Variants in JAKMIP3 observed in about 807,000 individuals in gnomAD.
JAKMIP3 encodes Janus kinase and microtubule interacting protein 3.
Under a neutral mutation model 118.5 loss-of-function variants are expected in JAKMIP3, and 58 were observed. The ratio of observed to expected loss-of-function variants is 0.49; its 90% CI spans 0.40 to 0.61. JAKMIP3 has a LOEUF of 0.61. JAKMIP3 is among the 20% of genes least tolerant of loss of function. JAKMIP3 has a pLI of 0.00. For missense variants in JAKMIP3, 950 were observed against 1,109.0 expected, an observed-to-expected ratio of 0.86 and a Z score of 2.04; for synonymous variants, 486 against 451.2, an observed-to-expected ratio of 1.08 and a Z score of -0.98.
intron 21 of JAKMIP3, among the ~76,000 whole-genome samples, chr10:132,166,057 C>T (rs767898469): frequency 6.6e-6 from 1 of 152,218 alleles, no homozygotes; most frequent in Non-Finnish European, 1.5e-5. Flanking sequence ...GGCGTGGTGG[C>T]TCATGCCTGT....
rs375069186 is a variant in JAKMIP3 at position 132,138,144 on chromosome 10, G to A, written c.1310G>A (p.Arg437Gln). The A allele has an allele frequency of 2.0e-5, 32 of 1,611,988 alleles. No individual in the cohort carries two copies. Among genetic ancestry groups the A allele is most frequent in the Non-Finnish European group, 2.3e-5 (27 of 1,179,162 alleles). Residue 437 changes from arginine (R) to glutamine (Q), a missense_variant, in exon 9 of 24, where the codon CGG (arginine) becomes CAG (glutamine). By Grantham distance (43) the Arg-to-Gln change is conservative (BLOSUM62 1). Transcript: ENST00000684848. ...VLERDKLLRF[R>Q]KQRKKMAKLP... ...GAGCGGGACAAGCTGTTAAGATTCC[G>A]GAAGCAAAGAAAGAAAATGGCAAAA...
intron 12 of JAKMIP3, 118 bp downstream of exon 12, chr10:132,145,308 G>A (rs1040082650): frequency 1.0e-6 from 1 of 973,688 alleles, no homozygotes; most frequent in Non-Finnish European, 1.5e-6. Context: ...TGACCTCCTG[G>A]GCTCAAGCCA....
chr10:132,057,431 C>T (rs1007342469), intron 1 of JAKMIP3, among the ~76,000 whole-genome samples: 5 of 152,214 alleles, frequency 3.3e-5, no homozygotes, highest in African/African-American at 9.7e-5. Flanking sequence ...AGCACGCCGC[C>T]GACTGCCTTG....
rs1393005391 is a variant in JAKMIP3 at position 132,070,057 on chromosome 10, C to T, written c.-138+3996C>T. ...AGAGGTGCGGCTGCTGATGTACCAC[C>T]CTGTGGGGGCTTCGGGCACCAACTC... On this transcript the variant is annotated intron_variant, in intron 1 of 23. Coordinates refer to ENST00000684848, the MANE Select transcript of JAKMIP3 (RefSeq NM_001323087.2). Among the ~76,000 whole-genome samples the T allele has an allele frequency of 2.6e-5, 4 of 151,988 alleles. No homozygotes were observed. The East Asian group carries it at 7.7e-4, about 29-fold the overall frequency.
At position 132,133,322 on chromosome 10, in the gene JAKMIP3, T is replaced by G; in HGVS notation, c.644T>G (p.Ile215Arg). ...CTGTTCTCCTTGTAGATGGAGGAGA[T>G]AAAATTTAAAGACAGAGCAGTCTTC... ...EREIRRLMEEIKFKDRAVFVL... is the reference protein window; with the variant it reads ...EREIRRLMEERKFKDRAVFVL... The change falls in exon 4 of 24, where the codon ATA (isoleucine) becomes AGA (arginine). Residue 215 changes from isoleucine (I) to arginine (R), a missense_variant. By Grantham distance (97) the Ile-to-Arg change is moderately conservative. Transcript: ENST00000684848. 6.3e-7 allele frequency: 1 copy of G among 1,586,982 alleles called. No individual in the cohort carries two copies. The highest frequency in any genetic ancestry group is 8.6e-7 in the Non-Finnish European group (1 of 1,166,810).
At chr10:132,124,964 G>C (rs1199112627) in intron 3 of JAKMIP3, among the ~76,000 whole-genome samples, 1 of 152,192 alleles carries the variant, frequency 6.6e-6, no homozygotes, top group African/African-American at 2.4e-5. Flanking sequence ...ACCTGCTCAT[G>C]TCTTCCCTGC....
chr10:132,159,636 ATGCTGGGGG>A (rs2057695079), intron 19 of JAKMIP3, among the ~76,000 whole-genome samples: 1 of 38,902 alleles, frequency 2.6e-5, no homozygotes. Flanking sequence ...TTCCTTTGTG[ATGCTGGGGG>A]GCCTCTCCCT....
intron 1 of JAKMIP3, among the ~76,000 whole-genome samples, chr10:132,068,046 G>A (rs528357490): frequency 4.8e-4 from 70 of 145,116 alleles, no homozygotes; most frequent in African/African-American, 1.1e-3. Flanking sequence ...GTGGGCTTCC[G>A]TGTGGACTGT....
intron 23 of JAKMIP3, among the ~76,000 whole-genome samples, chr10:132,178,998 G>A (rs77283628): frequency 0.033 from 4,996 of 152,328 alleles, 282 homozygotes; most frequent in African/African-American, 0.11. Flanking sequence ...AGCTTTTAGC[G>A]AGGTTCTGGT....
chr10:132,104,713 C>G lies in JAKMIP3; in HGVS notation c.-96C>G. 7.7e-7 allele frequency: 1 copy of G among 1,299,666 alleles called. No individual in the cohort carries two copies. Among genetic ancestry groups the G allele is most frequent in the Non-Finnish European group, 1.1e-6 (1 of 936,332 alleles). The allele number at this position is 1,299,666 out of a possible 1,614,324, so 80.5% of individuals were successfully genotyped here. A position where few individuals can be genotyped will look rare whatever the true frequency, so the allele number is the denominator to read the frequency against. ...AGTGTGACAGCAGCCCGGGTGACAC[C>G]TGCTGGGAGCTTGGCGTGGACACCC... On this transcript the variant is annotated 5_prime_UTR_variant, in exon 2 of 24. Transcript: ENST00000684848.
At chr10:132,070,157 TA>T (rs1228315700) in intron 1 of JAKMIP3, among the ~76,000 whole-genome samples, 1 of 152,146 alleles carries the variant, frequency 6.6e-6, no homozygotes, top group Non-Finnish European at 1.5e-5. Flanking sequence ...GTTGCATTTT[TA>T]TTTTTTGAGA....
At position 132,168,395 on chromosome 10, in the gene JAKMIP3, G is replaced by C; in HGVS notation, c.*465G>C. The C allele has an allele frequency of 7.8e-7, 1 of 1,289,500 alleles. No homozygotes were observed. Among genetic ancestry groups the C allele is most frequent in the South Asian group, 1.2e-5 (1 of 81,018 alleles). 79.9% of individuals were successfully genotyped at this position (1,289,500 alleles called of 1,614,324 possible). On this transcript the variant is annotated 3_prime_UTR_variant, in exon 23 of 24. Coordinates refer to ENST00000684848, the MANE Select transcript of JAKMIP3 (RefSeq NM_001323087.2). ...AGAAACAACAGAGGCTTGGCCTGAT[G>C]ACAAGATGAAAGCTGGACGGTGACC...
intron 21 of JAKMIP3, 143 bp from the exon 22 acceptor site, chr10:132,166,840 C>T: frequency 1.5e-6 from 1 of 654,080 alleles, no homozygotes; most frequent in East Asian, 2.8e-5. Flanking sequence ...CCTCCCTCGG[C>T]ACAGTCCTTA....
chr10:132,172,720 C>G lies in JAKMIP3; in HGVS notation c.*1103+3687C>G, dbSNP rs561161675. 3.3e-5 allele frequency among the ~76,000 whole-genome samples: 5 copies of G among 152,048 alleles called. No individual in the cohort carries two copies. The South Asian group carries it at 8.3e-4, about 25-fold the overall frequency. ...CCAGGCCGGCGCCCTGCAAAGCACT[C>G]TCTTCCTCTCTGTCCCCACAAGGCG... On this transcript the variant is annotated intron_variant, in intron 23 of 23. Transcript: ENST00000684848.
chr10:132,131,470 G>A (rs2050587572), intron 3 of JAKMIP3, among the ~76,000 whole-genome samples: 2 of 151,700 alleles, frequency 1.3e-5, no homozygotes, highest in Admixed American at 1.3e-4. Context: ...GAGGGTGTCG[G>A]GCCCGGGGAG....
intron 3 of JAKMIP3, among the ~76,000 whole-genome samples, chr10:132,129,333 C>T (rs555849995): frequency 6.6e-6 from 1 of 152,182 alleles, no homozygotes; most frequent in Non-Finnish European, 1.5e-5. Context: ...TGTGCAGCCA[C>T]TTACATTTCT....
chr10:132,156,825 C>CT (rs2057155115), intron 19 of JAKMIP3, among the ~76,000 whole-genome samples: 1 of 152,134 alleles, frequency 6.6e-6, no homozygotes, highest in Non-Finnish European at 1.5e-5. Context: ...TCCAGCCCAC[C>CT]TTGAGACAGG....
upstream of JAKMIP3, among the ~76,000 whole-genome samples, chr10:132,064,953 G>A (rs953901515): frequency 2.0e-5 from 3 of 152,204 alleles, no homozygotes; most frequent in Admixed American, 2.0e-4. This position sits in a 1 kb window ranked among gnomAD's most constrained non-coding sequence, Gnocchi z 4.4. Flanking sequence ...CAGGCAGGGT[G>A]CAGGCGAGGG....
At chr10:132,133,223 C>T in intron 3 of JAKMIP3, 89 bp from the exon 4 acceptor site, 1 of 1,168,770 alleles carries the variant, frequency 8.6e-7, no homozygotes, top group Non-Finnish European at 1.2e-6. Context: ...GTCTCAGAGC[C>T]CAGAGCCTGG....
Sources: allele counts gnomAD v4.1 joint callset (sites outside exome capture counted in the v4.1 genomes callset), GRCh38; gene constraint gnomAD v4.1.1; non-coding constraint Gnocchi (gnomAD v3.1); transcripts MANE v1.5; gene names NCBI Gene and HGNC (gene_info 2026-07-23, HGNC 2026-07-21).